The following RHOBTB3 variants were observed in gnomAD, a reference collection of about 807,000 sequenced individuals.
The protein encoded by RHOBTB3 is Rho related BTB domain containing 3, also known as rho-related BTB domain-containing protein 3.
RHOBTB3 carries 47 observed loss-of-function variants against 67.2 expected under a neutral mutation model. The ratio of observed to expected loss-of-function variants is 0.70; its 90% CI spans 0.55 to 0.89. The LOEUF is 0.89. Among genes scored for constraint, RHOBTB3 ranks in the 40% least tolerant of loss-of-function variants. The pLI is 0.00. For missense variants in RHOBTB3, 631 were observed against 750.0 expected (o/e 0.84, Z 1.85); for synonymous variants, 273 against 274.2 (o/e 1.00, Z 0.04).
chr5:95,731,628 A>C lies in RHOBTB3; in HGVS notation c.-55A>C. 1 of 1,609,890 alleles carries C rather than the reference A, an allele frequency of 6.2e-7. No homozygotes were observed. The highest frequency in any genetic ancestry group is 8.5e-7 in the Non-Finnish European group (1 of 1,178,552). ...AACTCGCCGCCCGGGGGCCCCGCGA[A>C]GCCGTGAGCCGCTGCTTTTCTCCGA... On this transcript the variant is annotated 5_prime_UTR_variant, in exon 1 of 12. Transcript: ENST00000379982.
intron 8 of RHOBTB3, chr5:95,770,395 G>A (rs1745674261): frequency 8.7e-6 from 2 of 229,842 alleles, no homozygotes; most frequent in Admixed American, 5.1e-5. Flanking sequence ...TAAAAAATTG[G>A]TATAGAAATT....
chr5:95,736,908 G>A lies in RHOBTB3; in HGVS notation c.248G>A (p.Trp83Ter). 2 of 1,607,546 alleles carry A rather than the reference G, an allele frequency of 1.2e-6. No homozygotes were observed. Among genetic ancestry groups the A allele is most frequent in the Non-Finnish European group, 1.7e-6 (2 of 1,177,912 alleles). Residue 83 changes from tryptophan to a stop codon, truncating the protein, a stop_gained, in exon 3 of 12, where the codon TGG (tryptophan) becomes TAG (stop). Transcript: ENST00000379982. LOFTEE classifies it high-confidence loss of function. ...GTTTAGGACATATTTGACAGTGATT[G>A]GTACACTTCTCGAAATCTAATTGGG... is the stretch of plus-strand genomic sequence containing the variant. ...CPVWDIFDSD[W>*]YTSRNLIGGA...
At chr5:95,786,957 C>T (rs940784733) in intron 10 of RHOBTB3, among the ~76,000 whole-genome samples, 1 of 152,230 alleles carries the variant, frequency 6.6e-6, no homozygotes, top group Non-Finnish European at 1.5e-5. Context: ...TTGAAATCTA[C>T]TTCCCAAACC....
At chr5:95,785,811 C>G (rs944378409) in intron 10 of RHOBTB3, among the ~76,000 whole-genome samples, 1 of 152,010 alleles carries the variant, frequency 6.6e-6, no homozygotes, top group Non-Finnish European at 1.5e-5. Flanking sequence ...TTTTCCTTAT[C>G]TTTTAGTATC....
At chr5:95,743,712 C>CTT (rs1755666446) in intron 3 of RHOBTB3, among the ~76,000 whole-genome samples, 2 of 99,408 alleles carry the variant, frequency 2.0e-5, no homozygotes, top group Non-Finnish European at 2.1e-5. Flanking sequence ...TCCTCCCCCC[C>CTT]ATTTTTTTTT....
chr5:95,730,712 A>T (rs1755196034), upstream of RHOBTB3, among the ~76,000 whole-genome samples: 1 of 152,238 alleles, frequency 6.6e-6, no homozygotes, highest in African/African-American at 2.4e-5. Flanking sequence ...AGTTTTCGGT[A>T]AAATACGCTA....
At chr5:95,733,495 T>C (rs1405389156) in intron 2 of RHOBTB3, among the ~76,000 whole-genome samples, 1 of 152,232 alleles carries the variant, frequency 6.6e-6, no homozygotes, top group Non-Finnish European at 1.5e-5. Context: ...CTTTCCTGTT[T>C]ATACTGTTAA....
intron 1 of RHOBTB3, among the ~76,000 whole-genome samples, chr5:95,721,590 A>G (rs758177235): frequency 6.6e-5 from 10 of 152,108 alleles, no homozygotes; most frequent in Non-Finnish European, 1.3e-4. Context: ...TTTGAAGGTA[A>G]AAGAGGAGAG....
intron 3 of RHOBTB3, among the ~76,000 whole-genome samples, chr5:95,743,906 A>G (rs996993390): frequency 6.6e-6 from 1 of 151,576 alleles, no homozygotes; most frequent in African/African-American, 2.4e-5. Flanking sequence ...GTGGAGTTTC[A>G]TCATAGTGGC....
chr5:95,751,971 G>A (rs1301434096), intron 4 of RHOBTB3, among the ~76,000 whole-genome samples: 2 of 152,182 alleles, frequency 1.3e-5, no homozygotes, highest in Non-Finnish European at 2.9e-5. Context: ...TGTCATTGCT[G>A]TTGTGAATAG....
upstream of RHOBTB3, among the ~76,000 whole-genome samples, chr5:95,728,461 A>T (rs1352454253): frequency 6.6e-6 from 1 of 152,220 alleles, no homozygotes; most frequent in Non-Finnish European, 1.5e-5. Flanking sequence ...GACAATGTTT[A>T]CTTTCTTTAT....
At chr5:95,792,933 G>A (rs1366579636) in intron 11 of RHOBTB3, 126 bp from the exon 12 acceptor site, 3 of 590,168 alleles carry the variant, frequency 5.1e-6, no homozygotes, top group African/African-American at 3.8e-5. Context: ...GGGAAAACTT[G>A]TGGGAATGGT....
Position 95,794,061 on chromosome 5 carries a change from A to T in RHOBTB3, c.*887A>T, listed in dbSNP as rs760444026. The T allele has an allele frequency of 8.8e-6, 4 of 456,164 alleles. No individual in the cohort carries two copies. Among genetic ancestry groups the T allele is most frequent in the South Asian group, 6.2e-5 (4 of 64,574 alleles). The allele number at this position is 456,164 out of a possible 1,614,324, so 28.3% of individuals were successfully genotyped here. A position where few individuals can be genotyped will look rare whatever the true frequency, so the allele number is the denominator to read the frequency against. Reference sequence around the variant, plus strand: ...AAGGGAAGAGAAGGAGGCTCACCGGAGGGAAGAGAACATAGTGAAGATTCC... The same window carrying T: ...AAGGGAAGAGAAGGAGGCTCACCGGTGGGAAGAGAACATAGTGAAGATTCC... On this transcript the variant is annotated 3_prime_UTR_variant, in exon 12 of 12. Transcript: ENST00000379982.
At chr5:95,738,647 T>G (rs1755515992) in intron 3 of RHOBTB3, among the ~76,000 whole-genome samples, 4 of 151,888 alleles carry the variant, frequency 2.6e-5, no homozygotes. Flanking sequence ...AGCAGGAAGG[T>G]CTCACCAGAT....
At chr5:95,788,527 G>T (rs558621698) in intron 10 of RHOBTB3, among the ~76,000 whole-genome samples, 2 of 152,142 alleles carry the variant, frequency 1.3e-5, no homozygotes, top group African/African-American at 4.8e-5. Flanking sequence ...TCCGGCAGCC[G>T]TAGATTGTTA....
chr5:95,730,691 T>G (rs1755195491), upstream of RHOBTB3, among the ~76,000 whole-genome samples: 1 of 152,230 alleles, frequency 6.6e-6, no homozygotes, highest in African/African-American at 2.4e-5. Flanking sequence ...TCCCAGCATT[T>G]AAAATCCTGA....
chr5:95,770,438 C>T, intron 8 of RHOBTB3: 1 of 255,216 alleles, frequency 3.9e-6, no homozygotes, highest in South Asian at 5.6e-5. Context: ...TGGCAGTGAC[C>T]ACTGCTAAGA....
intron 3 of RHOBTB3, among the ~76,000 whole-genome samples, chr5:95,742,644 C>T (rs1423564505): frequency 6.6e-6 from 1 of 152,188 alleles, no homozygotes; most frequent in East Asian, 1.9e-4. Context: ...TTCTGGTTCA[C>T]ACATTAGTTC....
At position 95,763,566 on chromosome 5, in the gene RHOBTB3, G is replaced by A. The variant is rs150579524; in HGVS notation, c.1107G>A (p.Gly369=). The change falls in exon 7 of 12, where the codon GGG becomes GGA. Residue 369 remains glycine, a synonymous_variant. Coordinates refer to ENST00000379982, the MANE Select transcript of RHOBTB3 (RefSeq NM_014899.4). The stretch of plus-strand genomic sequence containing the variant: ...TCAGGAAGAAGTTGAAAGATTCTGG[G>A]GATGTTTCAAATGTAATCGAGAAAG... ...EDIRKKLKDS[G]DVSNVIEKVK... 1.7e-4 allele frequency: 271 copies of A among 1,612,662 alleles called. No homozygotes were observed. The African/African-American group carries it at 3.3e-3, about 20-fold the overall frequency.
Sources: gnomAD v4.1 joint callset for allele counts (sites outside exome capture counted in the v4.1 genomes callset) on GRCh38, gnomAD v4.1.1 for gene constraint, MANE v1.5 for transcripts, NCBI Gene and HGNC (gene_info 2026-07-23, HGNC 2026-07-21) for gene names.